The following SEMA6D variants were observed in gnomAD, a reference collection of about 807,000 sequenced individuals.
SEMA6D encodes semaphorin 6D, also known as semaphorin-6D.
A neutral mutation model predicts 106.6 loss-of-function variants in SEMA6D; 35 were observed. That is an observed-to-expected ratio of 0.33 (90% CI 0.25 to 0.44). The LOEUF (loss-of-function observed/expected upper bound fraction) is 0.44. Ranked by LOEUF, SEMA6D falls within the 20% of genes least tolerant of loss-of-function variation. The pLI is 1.00. For synonymous variants in SEMA6D, 499 were observed against 487.7 expected, an observed-to-expected ratio of 1.02 and a Z score of -0.31; for missense variants, 1,185 against 1,345.9, an observed-to-expected ratio of 0.88 and a Z score of 1.87.
At chr15:47,622,618 C>T (rs765439348) in intron 4 of SEMA6D, among the ~76,000 whole-genome samples, 2 of 152,184 alleles carry the variant, frequency 1.3e-5, no homozygotes, top group Non-Finnish European at 2.9e-5. Flanking sequence ...TAAGAAAATA[C>T]TCCTAGGGCA....
chr15:47,453,771 T>C (rs2140955903), intron 2 of SEMA6D, among the ~76,000 whole-genome samples: 1 of 152,072 alleles, frequency 6.6e-6, no homozygotes, highest in Middle Eastern at 3.4e-3. Flanking sequence ...CCCATGTGGA[T>C]ACCATCTTTG....
rs199856464 is a variant in SEMA6D at position 47,768,626 on chromosome 15, C to T, written c.1811C>T (p.Pro604Leu). The change falls in exon 18 of 19, where the codon CCA becomes CTA. Residue 604 changes from proline (P) to leucine (L), a missense_variant. Pro to Leu is a moderately conservative substitution (Grantham distance 98, BLOSUM62 -3). This residue lies in a region of SEMA6D where 750 missense variants were observed against 783.5 expected (regional missense o/e 0.96). Transcript: ENST00000536845. Reference sequence around the variant, plus strand: ...TCTGTTACCACAATGGCAAGTATCCCAGAAATCACACCTAAAGTGATTGAT... The same window carrying T: ...TCTGTTACCACAATGGCAAGTATCCTAGAAATCACACCTAAAGTGATTGAT... ...SSSVTTMASI[P>L]EITPKVIDTW... 46 of 1,613,268 alleles carry T rather than the reference C, an allele frequency of 2.9e-5. No individual in the cohort carries two copies. The East Asian group carries it at 8.9e-4, about 31-fold the overall frequency.
In SEMA6D at chr15:47,760,429, C is replaced by T. The variant is rs1240669043; in HGVS notation, c.221+14C>T. Reference sequence around the variant, plus strand: ...TATTGCTGGCAGGTAATTTTCCTCTCATTGGTTTATTAGATTAAAATTCTT... The same window carrying T: ...TATTGCTGGCAGGTAATTTTCCTCTTATTGGTTTATTAGATTAAAATTCTT... On this transcript the variant is annotated intron_variant, in intron 3 of 18. Coordinates refer to ENST00000536845, the MANE Select transcript of SEMA6D (RefSeq NM_001358351.3). The T allele has an allele frequency of 1.3e-6, 2 of 1,588,344 alleles. No individual in the cohort carries two copies. Among genetic ancestry groups the T allele is most frequent in the Non-Finnish European group, 1.7e-6 (2 of 1,157,470 alleles).
intron 3 of SEMA6D, among the ~76,000 whole-genome samples, chr15:47,531,973 C>G (rs1307482937): frequency 6.6e-6 from 1 of 152,118 alleles, no homozygotes; most frequent in Admixed American, 6.6e-5. Flanking sequence ...TACTTTTGCA[C>G]CAGTCTAATA....
At chr15:47,766,328 G>C in intron 15 of SEMA6D, 146 bp downstream of exon 15, 1 of 706,692 alleles carries the variant, frequency 1.4e-6, no homozygotes, top group Non-Finnish European at 2.3e-6. Context: ...CAGGAGACGT[G>C]ACAAGGAAGG....
intron 4 of SEMA6D, among the ~76,000 whole-genome samples, chr15:47,625,219 ACC>A (rs2077180233): frequency 1.3e-5 from 2 of 152,146 alleles, no homozygotes; most frequent in Admixed American, 1.3e-4. Flanking sequence ...CTGAGCCAAA[ACC>A]CAGTACCCAG....
At chr15:47,598,266 ATAATAT>A (rs1417267372) in intron 3 of SEMA6D, among the ~76,000 whole-genome samples, 2 of 152,128 alleles carry the variant, frequency 1.3e-5, no homozygotes, top group Non-Finnish European at 2.9e-5. Context: ...CAGTGCCCTC[ATAATAT>A]TAATATAATT....
intron 4 of SEMA6D, among the ~76,000 whole-genome samples, chr15:47,613,644 AT>A (rs1203822559): frequency 1.3e-5 from 2 of 151,716 alleles, no homozygotes; most frequent in African/African-American, 4.8e-5. Context: ...CCAAAACTTT[AT>A]TTTTTAATTT....
At chr15:47,754,953 ATT>A (rs11435743) in intron 1 of SEMA6D, among the ~76,000 whole-genome samples, 4 of 136,336 alleles carry the variant, frequency 2.9e-5, no homozygotes, top group Admixed American at 7.3e-5. Context: ...TTTGTTGTTG[ATT>A]TTTTTTTTTT....
At chr15:47,635,382 G>A (rs1430572928) in intron 4 of SEMA6D, among the ~76,000 whole-genome samples, 1 of 152,128 alleles carries the variant, frequency 6.6e-6, no homozygotes, top group East Asian at 1.9e-4. Context: ...AGATAAGGGA[G>A]GCATGACCCT....
At chr15:47,474,950 A>C (rs1183517734) in intron 3 of SEMA6D, among the ~76,000 whole-genome samples, 1 of 152,214 alleles carries the variant, frequency 6.6e-6, no homozygotes, top group Non-Finnish European at 1.5e-5. Context: ...TGGATGATAT[A>C]GCTACAGGGT....
At chr15:47,472,588 A>G (rs1035847915) in intron 3 of SEMA6D, among the ~76,000 whole-genome samples, 2 of 152,194 alleles carry the variant, frequency 1.3e-5, no homozygotes, top group African/African-American at 2.4e-5. Context: ...CTTATAATCT[A>G]TGTGGCATTA....
intron 2 of SEMA6D, among the ~76,000 whole-genome samples, chr15:47,418,625 G>A (rs529866325): frequency 6.6e-6 from 1 of 152,046 alleles, no homozygotes; most frequent in Non-Finnish European, 1.5e-5. Context: ...CACCTAAAGG[G>A]TTAGGATTTC....
intron 1 of SEMA6D, among the ~76,000 whole-genome samples, chr15:47,322,224 A>G (rs562623489): frequency 6.6e-6 from 1 of 152,218 alleles, no homozygotes; most frequent in African/African-American, 2.4e-5. Context: ...CTAGGAAATT[A>G]ACTTTGGAAA....
At chr15:47,300,438 G>C (rs976602266) in intron 1 of SEMA6D, among the ~76,000 whole-genome samples, 3 of 151,576 alleles carry the variant, frequency 2.0e-5, no homozygotes, top group African/African-American at 7.3e-5. Flanking sequence ...GGGGGGGTGG[G>C]CAGTGTTGGG....
rs183785509 is a variant in SEMA6D, at chr15:47,640,984, C to T, written c.-55+40088C>T. ...AATTATTCTTTATATCCACAGGGCT[C>T]ACATTTCTTGGGAAAGGAAGTCACT... On this transcript the variant is annotated intron_variant, in intron 4 of 19. Coordinates refer to the SEMA6D transcript ENST00000558014. Among the ~76,000 whole-genome samples the T allele has an allele frequency of 9.7e-4, 147 of 152,278 alleles. 1 individual carries two copies. Among genetic ancestry groups the T allele is most frequent in the Admixed American group, 7.6e-3 (117 of 15,298 alleles).
chr15:47,542,815 T>C (rs2045397663), intron 3 of SEMA6D, among the ~76,000 whole-genome samples: 1 of 152,092 alleles, frequency 6.6e-6, no homozygotes, highest in Admixed American at 6.6e-5. Context: ...AATGACTGTG[T>C]GTCTGTTCAA....
At chr15:47,213,291 T>G (rs1352080655) in intron 1 of SEMA6D, among the ~76,000 whole-genome samples, 1 of 152,224 alleles carries the variant, frequency 6.6e-6, no homozygotes, top group African/African-American at 2.4e-5. Context: ...AACAATAGGT[T>G]ACAAATGAGG....
At chr15:47,552,805 A>ATATAAATATATATATATTTATATATATAT (rs1566882284) in intron 3 of SEMA6D, among the ~76,000 whole-genome samples, 3 of 6,770 alleles carry the variant, frequency 4.4e-4, no homozygotes, top group African/African-American at 1.4e-3. Context: ...TATATATATA[A>ATATAAATATATATATATTTATATATATAT]AAATATATAT....
Sources: gnomAD v4.1 joint callset for allele counts (sites outside exome capture counted in the v4.1 genomes callset) on GRCh38, gnomAD v4.1.1 for gene constraint, gnomAD v4.1.1 regional missense constraint, MANE v1.5 for transcripts, NCBI Gene and HGNC (gene_info 2026-07-23, HGNC 2026-07-21) for gene names.